The following CACNB2 variants were observed in gnomAD, a reference collection of about 807,000 sequenced individuals.
CACNB2 encodes voltage-dependent L-type calcium channel subunit beta-2.
A neutral mutation model predicts 73.3 loss-of-function variants in CACNB2; 42 were observed. The observed-to-expected ratio is 0.57, with a 90% CI of 0.45 to 0.74. The LOEUF is 0.74. Ranked by LOEUF, CACNB2 falls within the 30% of genes least tolerant of loss-of-function variation. CACNB2 has a pLI of 0.00. For synonymous variants in CACNB2, 348 were observed against 310.3 expected, an observed-to-expected ratio of 1.12 and a Z score of -1.28; for missense variants, 940 against 853.0, an observed-to-expected ratio of 1.10 and a Z score of -1.27.
chr10:18,195,524 A>G (rs552667023), intron 2 of CACNB2, among the ~76,000 whole-genome samples: 1 of 152,324 alleles, frequency 6.6e-6, no homozygotes, highest in East Asian at 1.9e-4. Context: ...AGCTTTTGGT[A>G]AATGTCTCAT....
intron 3 of CACNB2, among the ~76,000 whole-genome samples, chr10:18,451,155 T>G (rs11014284): frequency 0.2 from 30,357 of 152,110 alleles, 3,259 homozygotes; most frequent in Non-Finnish European, 0.24. Context: ...ATGGTGGGAA[T>G]TGGACACATT....
In CACNB2 at chr10:18,150,880, T is replaced by TTTTTTTTTTTGA; in HGVS notation, c.121-3_121-2insTTTTTTTTTTGA. ...CTTTTTTTTTTTTTTTTTTTTTTTT[T>TTTTTTTTTTTGA]AGTCATATGGAAAAGGAGCCAGAAG... On this transcript the variant is annotated splice_polypyrimidine_tract_variant and splice_region_variant and intron_variant, in intron 1 of 13. Transcript: ENST00000324631. 7.7e-7 allele frequency: 1 copy of TTTTTTTTTTTGA among 1,300,366 alleles called. No individual in the cohort carries two copies. The highest frequency in any genetic ancestry group is 1.1e-6 in the Non-Finnish European group (1 of 943,298). The allele number at this position is 1,300,366 out of a possible 1,614,324, so 80.6% of individuals were successfully genotyped here. A position where few individuals can be genotyped will look rare whatever the true frequency, so the allele number is the denominator to read the frequency against.
chr10:18,453,501 A>G (rs946143845), intron 3 of CACNB2, among the ~76,000 whole-genome samples: 2 of 152,062 alleles, frequency 1.3e-5, no homozygotes, highest in African/African-American at 4.8e-5. Flanking sequence ...ACTGTCATCT[A>G]TGTCCCAACT....
At chr10:18,231,445 C>T (rs2036222312) in intron 2 of CACNB2, among the ~76,000 whole-genome samples, 1 of 152,228 alleles carries the variant, frequency 6.6e-6, no homozygotes, top group African/African-American at 2.4e-5. Context: ...TCCCAAAGTG[C>T]TGGGATTACA....
At chr10:18,382,034 T>C (rs1291889333) in intron 2 of CACNB2, among the ~76,000 whole-genome samples, 1 of 152,060 alleles carries the variant, frequency 6.6e-6, no homozygotes, top group African/African-American at 2.4e-5. Flanking sequence ...TTTATGTATT[T>C]TTATAATATC....
At chr10:18,344,885 C>T (rs531833101) in intron 2 of CACNB2, among the ~76,000 whole-genome samples, 34 of 152,342 alleles carry the variant, frequency 2.2e-4, no homozygotes, top group Non-Finnish European at 4.4e-4. Flanking sequence ...GCATATTGTA[C>T]TGCAGTTCTT....
At chr10:18,368,480 G>T (rs1452896820) in intron 2 of CACNB2, among the ~76,000 whole-genome samples, 2 of 152,108 alleles carry the variant, frequency 1.3e-5, no homozygotes, top group African/African-American at 2.4e-5. Flanking sequence ...TATTTTTATT[G>T]CCTGCATCAC....
intron 2 of CACNB2, among the ~76,000 whole-genome samples, chr10:18,294,405 G>C (rs1171891994): frequency 1.3e-5 from 2 of 152,216 alleles, no homozygotes; most frequent in Non-Finnish European, 2.9e-5. Context: ...TTCAACAAAT[G>C]TTCACAGAGT....
chr10:18,530,391 C>T (rs920097142), intron 10 of CACNB2, among the ~76,000 whole-genome samples: 1 of 151,680 alleles, frequency 6.6e-6, no homozygotes, highest in African/African-American at 2.4e-5. Context: ...TATATATAGA[C>T]AGACAGAGAT....
chr10:18,532,658 C>G (rs2053148341), intron 10 of CACNB2, among the ~76,000 whole-genome samples: 1 of 117,954 alleles, frequency 8.5e-6, no homozygotes, highest in South Asian at 2.7e-4. Context: ...GCCTGGGAGA[C>G]AGAGAGAGAC....
At chr10:18,391,021 A>T (rs889161932) in intron 2 of CACNB2, among the ~76,000 whole-genome samples, 1 of 152,254 alleles carries the variant, frequency 6.6e-6, no homozygotes, top group African/African-American at 2.4e-5. Flanking sequence ...AGTTGTAATC[A>T]TATTTTCAAA....
In CACNB2 at chr10:18,274,827, C is replaced by G. The variant is rs571997596; in HGVS notation, c.213+123852C>G. 2.0e-5 allele frequency among the ~76,000 whole-genome samples: 3 copies of G among 152,062 alleles called. No homozygotes were observed. The East Asian group carries it at 5.8e-4, about 29-fold the overall frequency. On this transcript the variant is annotated intron_variant, in intron 2 of 13. Coordinates refer to ENST00000324631, the MANE Select transcript of CACNB2 (RefSeq NM_201596.3). Reference sequence around the variant, plus strand: ...CACTTAAAATTTCAAAATGAATCCCCGCTTCAAAGGGAAAAACCATCAGGG... The same window carrying G: ...CACTTAAAATTTCAAAATGAATCCCGGCTTCAAAGGGAAAAACCATCAGGG...
intron 3 of CACNB2, among the ~76,000 whole-genome samples, chr10:18,491,393 G>A (rs2049415235): frequency 6.6e-6 from 1 of 152,144 alleles, no homozygotes; most frequent in African/African-American, 2.4e-5. Flanking sequence ...AGACCAGCCT[G>A]GGCATCAAAG....
At chr10:18,471,540 C>T (rs1221732242) in intron 3 of CACNB2, among the ~76,000 whole-genome samples, 1 of 152,136 alleles carries the variant, frequency 6.6e-6, no homozygotes, top group East Asian at 1.9e-4. Flanking sequence ...TGTGAAACTG[C>T]CCATGGTTTA....
chr10:18,302,505 A>G (rs1021590086), intron 2 of CACNB2, among the ~76,000 whole-genome samples: 2 of 152,244 alleles, frequency 1.3e-5, no homozygotes, highest in Non-Finnish European at 2.9e-5. Flanking sequence ...GCAATGGAAT[A>G]CTACTCAGAC....
At chr10:18,212,801 G>A (rs1040250252) in intron 2 of CACNB2, among the ~76,000 whole-genome samples, 9 of 152,106 alleles carry the variant, frequency 5.9e-5, no homozygotes, top group African/African-American at 9.7e-5. Context: ...AAATAAAAAC[G>A]TAAAACCTGG....
chr10:18,370,822 C>T (rs762267559), intron 2 of CACNB2, among the ~76,000 whole-genome samples: 2 of 152,130 alleles, frequency 1.3e-5, no homozygotes, highest in Non-Finnish European at 2.9e-5. Context: ...TTGTTTTACA[C>T]ATACACGCAG....
chr10:18,483,267 A>C (rs372714067), intron 3 of CACNB2, among the ~76,000 whole-genome samples: 1 of 151,832 alleles, frequency 6.6e-6, no homozygotes, highest in African/African-American at 2.4e-5. Flanking sequence ...ACAGTGGCTC[A>C]TGCCTGTAAT....
rs144806097 is a variant in CACNB2, at chr10:18,320,523, G to A, written c.214-81401G>A. ...AAAAAAGACACGATTATTAGAGGCAGTAGAATGTGATGTTTGAGAGCACAA... is the reference window on the plus strand; with the variant it reads ...AAAAAAGACACGATTATTAGAGGCAATAGAATGTGATGTTTGAGAGCACAA... On this transcript the variant is annotated intron_variant, in intron 2 of 13. Coordinates refer to ENST00000324631, the MANE Select transcript of CACNB2 (RefSeq NM_201596.3). 2.7e-3 allele frequency among the ~76,000 whole-genome samples: 404 copies of A among 152,334 alleles called. 1 individual carries two copies. Among genetic ancestry groups the A allele is most frequent in the African/African-American group, 8.2e-3 (339 of 41,568 alleles).
Sources: gnomAD v4.1 joint callset for allele counts (sites outside exome capture counted in the v4.1 genomes callset) on GRCh38, gnomAD v4.1.1 for gene constraint, MANE v1.5 for transcripts, NCBI Gene and HGNC (gene_info 2026-07-23, HGNC 2026-07-21) for gene names.